Variants in CEP162 observed in about 807,000 individuals in gnomAD.
The protein encoded by CEP162 is centrosomal protein 162.
In CEP162, 141 loss-of-function variants were observed where a neutral mutation model predicts 169.2. The observed-to-expected ratio is 0.83, with a 90% CI of 0.73 to 0.96. The LOEUF (loss-of-function observed/expected upper bound fraction) is 0.96. CEP162 is among the 40% of genes least tolerant of loss of function. The probability of loss-of-function intolerance (pLI) is 0.00; values close to 1 mark genes in which losing one functional copy is unlikely to be tolerated. For synonymous variants in CEP162, 540 were observed against 526.4 expected (o/e 1.03, Z -0.35); for missense variants, 1,600 against 1,587.2 (o/e 1.01, Z -0.14).
intron 2 of CEP162, among the ~76,000 whole-genome samples, chr6:84,221,511 T>C (rs577170986): frequency 4.6e-5 from 7 of 152,164 alleles, no homozygotes; most frequent in South Asian, 2.1e-4. Context: ...GAATAAATAA[T>C]GGCTGAACAA....
At position 84,215,758 on chromosome 6, in the gene CEP162, A is replaced by G. The variant is rs1472700633; in HGVS notation, c.319+18T>C. 2 of 1,571,004 alleles carry G rather than the reference A, an allele frequency of 1.3e-6. No individual in the cohort carries two copies. Among genetic ancestry groups the G allele is most frequent in the Non-Finnish European group, 1.7e-6 (2 of 1,156,094 alleles). ...AACAATTAATAATTTACCAACTCAT[A>G]TCCCTTGCATTTCTTACCATTTGTT... On this transcript the variant is annotated intron_variant, in intron 4 of 26. Transcript: ENST00000403245.
chr6:84,227,048 A>T (rs984415057), intron 1 of CEP162, among the ~76,000 whole-genome samples: 2 of 152,244 alleles, frequency 1.3e-5, no homozygotes, highest in Non-Finnish European at 2.9e-5. Flanking sequence ...ACAAATCAGT[A>T]CTATGTTTCT....
At chr6:84,226,795 G>GT (rs765187840) in intron 1 of CEP162, among the ~76,000 whole-genome samples, 2 of 152,182 alleles carry the variant, frequency 1.3e-5, no homozygotes, top group Non-Finnish European at 1.5e-5. Flanking sequence ...CTTAAAAACT[G>GT]TAAGTTAGCA....
chr6:84,203,162 G>A (rs2099545325), intron 7 of CEP162, among the ~76,000 whole-genome samples: 2 of 152,284 alleles, frequency 1.3e-5, no homozygotes, highest in South Asian at 2.1e-4. Context: ...TAGTAGCCCT[G>A]AACAATTCTT....
intron 25 of CEP162, among the ~76,000 whole-genome samples, chr6:84,137,406 C>A (rs1588705461): frequency 6.6e-6 from 1 of 152,200 alleles, no homozygotes; most frequent in South Asian, 2.1e-4. Flanking sequence ...CAGCAGCTAG[C>A]TGTAGAATAT....
At chr6:84,168,819 T>C (rs1003613194) in intron 18 of CEP162, among the ~76,000 whole-genome samples, 1 of 152,220 alleles carries the variant, frequency 6.6e-6, no homozygotes, top group African/African-American at 2.4e-5. Context: ...TGGAACAGCA[T>C]TGCATTTCAA....
At chr6:84,169,747 T>C (rs2099529251) in intron 17 of CEP162, among the ~76,000 whole-genome samples, 1 of 152,186 alleles carries the variant, frequency 6.6e-6, no homozygotes. Context: ...GCTGCATTTT[T>C]CTGTGGGGTT....
intron 11 of CEP162, among the ~76,000 whole-genome samples, chr6:84,187,427 G>GT (rs1198625788): frequency 2.0e-5 from 3 of 152,120 alleles, no homozygotes; most frequent in African/African-American, 2.4e-5. Flanking sequence ...TGGCTTCTTG[G>GT]TAACTGCTAG....
At position 84,155,393 on chromosome 6, in the gene CEP162, T is replaced by G; in HGVS notation, c.2899A>C (p.Lys967Gln). The G allele has an allele frequency of 6.2e-7, 1 of 1,613,650 alleles. No individual in the cohort carries two copies. Among genetic ancestry groups the G allele is most frequent in the Non-Finnish European group, 8.5e-7 (1 of 1,179,684 alleles). Residue 967 changes from lysine (K) to glutamine (Q), a missense_variant, in exon 22 of 27, where the codon AAA becomes CAA. Transcript: ENST00000403245. Reference sequence around the variant, plus strand: ...TCAGCTTCTAGCTTTTTTATCCTTTTCTCCATAAATTCCACTGTATTTTTA... The same window carrying G: ...TCAGCTTCTAGCTTTTTTATCCTTTGCTCCATAAATTCCACTGTATTTTTA... ...VDKNTVEFME[K>Q]RIKKLEADLE...
intron 2 of CEP162, among the ~76,000 whole-genome samples, chr6:84,224,049 A>C (rs1382597377): frequency 6.6e-6 from 1 of 152,236 alleles, no homozygotes; most frequent in Non-Finnish European, 1.5e-5. Flanking sequence ...TATACACAAG[A>C]GGAACAAAAA....
chr6:84,180,788 G>C (rs1349915616), intron 13 of CEP162, among the ~76,000 whole-genome samples: 2 of 152,096 alleles, frequency 1.3e-5, no homozygotes, highest in Non-Finnish European at 2.9e-5. Context: ...CAACTTACAG[G>C]GGATGTGAAG....
chr6:84,205,448 A>C (rs755048746), intron 6 of CEP162, among the ~76,000 whole-genome samples: 7 of 152,216 alleles, frequency 4.6e-5, no homozygotes, highest in Non-Finnish European at 8.8e-5. Flanking sequence ...CCAGCATATA[A>C]ACAGAGCCAA....
Position 84,160,832 on chromosome 6 carries a change from T to A in CEP162, c.2761A>T (p.Ile921Phe), listed in dbSNP as rs201601743. Residue 921 changes from isoleucine (I) to phenylalanine (F), a missense_variant, in exon 21 of 27, where the codon ATT becomes TTT. Ile to Phe is a conservative substitution (Grantham distance 21). Coordinates refer to ENST00000403245, the MANE Select transcript of CEP162 (RefSeq NM_014895.4). ...CATACTTGTCGCTCCAGATCCTGAA[T>A]TTTTTTGGCATCTGCTGCTTTATCT... ...LKDKAADAKK[I>F]QDLERQVKEM... 47 of 1,605,056 alleles carry A rather than the reference T, an allele frequency of 2.9e-5. No individual in the cohort carries two copies. The highest frequency in any genetic ancestry group is 3.8e-5 in the Non-Finnish European group (45 of 1,172,334).
At chr6:84,176,374 C>T (rs1028204556) in intron 13 of CEP162, among the ~76,000 whole-genome samples, 4 of 151,988 alleles carry the variant, frequency 2.6e-5, no homozygotes, top group African/African-American at 9.7e-5. Context: ...TTAATTAGAC[C>T]GATGTAAGTT....
chr6:84,125,336 T>G, intron 26 of CEP162, 60 bp from the exon 27 acceptor site: 3 of 1,467,130 alleles, frequency 2.0e-6, no homozygotes, highest in Non-Finnish European at 2.8e-6. Context: ...GAGGAACATT[T>G]AACAATCTTA....
chr6:84,212,895 G>T, intron 6 of CEP162, 62 bp downstream of exon 6: 1 of 985,842 alleles, frequency 1.0e-6, no homozygotes, highest in African/African-American at 1.6e-5. Flanking sequence ...TCTTATTAAT[G>T]TCTTTATTAA....
Position 84,195,067 on chromosome 6 carries a change from A to G in CEP162, c.844T>C (p.Tyr282His), listed in dbSNP as rs753381867. 5 of 1,573,756 alleles carry G rather than the reference A, an allele frequency of 3.2e-6. No individual in the cohort carries two copies. The South Asian group carries it at 4.8e-5, about 15-fold the overall frequency. Reference protein sequence around the residue: ...ENEMTGTGVSYGQSSSDVEAL... With the variant: ...ENEMTGTGVSHGQSSSDVEAL... The stretch of plus-strand genomic sequence containing the variant: ...TCAACGTCACTACTGCTTTGTCCAT[A>G]AGAAACACCTGTTGAAATAAACGTA... Residue 282 changes from tyrosine to histidine, a missense_variant, in exon 10 of 27, where the codon TAT becomes CAT. Physicochemically the swap from Tyr to His is moderately conservative, Grantham distance 83. Transcript: ENST00000403245.
In CEP162 at chr6:84,204,079, A is replaced by C. The variant is rs1211020267; in HGVS notation, c.589T>G (p.Phe197Val). 6.3e-7 allele frequency: 1 copy of C among 1,594,848 alleles called. No individual in the cohort carries two copies. The highest frequency in any genetic ancestry group is 1.1e-5 in the South Asian group (1 of 87,942). Residue 197 changes from phenylalanine (F) to valine (V), a missense_variant, in exon 7 of 27, where the codon TTT becomes GTT. Physicochemically the swap from Phe to Val is conservative, Grantham distance 50. Transcript: ENST00000403245. ...EELAENYSDD[F>V]EDEYVGAPLT... ...GGTGCACCAACATACTCATCTTCAAAATCATCACTGTAATTTTCTGAAGAA... is the reference window on the plus strand; with the variant it reads ...GGTGCACCAACATACTCATCTTCAACATCATCACTGTAATTTTCTGAAGAA...
intron 11 of CEP162, among the ~76,000 whole-genome samples, chr6:84,189,511 G>C (rs547733602): frequency 6.6e-6 from 1 of 152,190 alleles, no homozygotes; most frequent in South Asian, 2.1e-4. Context: ...CTTAGCACCC[G>C]GGCCAGTGGC....
Sources: allele counts gnomAD v4.1 joint callset (sites outside exome capture counted in the v4.1 genomes callset), GRCh38; gene constraint gnomAD v4.1.1; transcripts MANE v1.5; gene names NCBI Gene and HGNC (gene_info 2026-07-23, HGNC 2026-07-21).